The following NEDD9 variants were observed in gnomAD, a reference collection of about 807,000 sequenced individuals.
NEDD9 encodes enhancer of filamentation 1.
NEDD9 carries 26 observed loss-of-function variants against 76.6 expected under a neutral mutation model. The ratio of observed to expected loss-of-function variants is 0.34; its 90% CI spans 0.25 to 0.47. The LOEUF (loss-of-function observed/expected upper bound fraction) is 0.47. Among genes scored for constraint, NEDD9 ranks in the 20% least tolerant of loss-of-function variants. The pLI, the probability that NEDD9 is intolerant of heterozygous loss-of-function variation, is 1.00. For synonymous variants in NEDD9, 392 were observed against 414.2 expected (o/e 0.95, Z 0.65); for missense variants, 937 against 1,058.5 (o/e 0.89, Z 1.59).
chr6:11,372,100 T>G (rs6903648), intron 1 of NEDD9, among the ~76,000 whole-genome samples: 5 of 151,946 alleles, frequency 3.3e-5, no homozygotes, highest in Admixed American at 3.3e-4. Context: ...TGACTTGTAC[T>G]CATTATCTAT....
chr6:11,231,447 AC>A (rs769261633), intron 1 of NEDD9, among the ~76,000 whole-genome samples: 1 of 152,228 alleles, frequency 6.6e-6, no homozygotes, highest in African/African-American at 2.4e-5. Flanking sequence ...AAAAGGATGG[AC>A]CAGAAAAATT....
chr6:11,361,258 T>G (rs1030269684), intron 1 of NEDD9, among the ~76,000 whole-genome samples: 1 of 152,152 alleles, frequency 6.6e-6, no homozygotes, highest in Non-Finnish European at 1.5e-5. Context: ...CCTCTTTATC[T>G]TCTGTATTAG....
chr6:11,310,549 C>A (rs965495984), intron 2 of NEDD9, among the ~76,000 whole-genome samples: 3 of 152,170 alleles, frequency 2.0e-5, no homozygotes, highest in Admixed American at 2.0e-4. Flanking sequence ...GCCATCTAGA[C>A]CCTTGTTACT....
At chr6:11,197,044 A>T (rs1042041458) in intron 2 of NEDD9, among the ~76,000 whole-genome samples, 6 of 152,134 alleles carry the variant, frequency 3.9e-5, no homozygotes, top group African/African-American at 1.4e-4. Context: ...CCTTCCAACG[A>T]TCTCTCCTCA....
intron 1 of NEDD9, among the ~76,000 whole-genome samples, chr6:11,229,264 A>G (rs9366751): frequency 0.14 from 21,463 of 152,258 alleles, 1,581 homozygotes; most frequent in Middle Eastern, 0.26. Context: ...GACGAGATAA[A>G]TAATTTAGAA....
chr6:11,268,231 G>A (rs899908075), intron 3 of NEDD9, among the ~76,000 whole-genome samples: 1 of 151,682 alleles, frequency 6.6e-6, no homozygotes, highest in Non-Finnish European at 1.5e-5. Flanking sequence ...TCGGGGTTTC[G>A]CCATGTTACC....
chr6:11,210,552 T>C (rs953333113), intron 2 of NEDD9, among the ~76,000 whole-genome samples: 1 of 152,170 alleles, frequency 6.6e-6, no homozygotes, highest in African/African-American at 2.4e-5. Flanking sequence ...CCCAGTGTGC[T>C]GGGATTATCT....
At chr6:11,255,922 G>A (rs1333740486) in intron 3 of NEDD9, among the ~76,000 whole-genome samples, 4 of 152,066 alleles carry the variant, frequency 2.6e-5, no homozygotes, top group Non-Finnish European at 5.9e-5. Context: ...TTGAAGGGAC[G>A]CTGTATTCTC....
intron 3 of NEDD9, among the ~76,000 whole-genome samples, chr6:11,276,390 T>C (rs1260287967): frequency 2.0e-5 from 3 of 152,148 alleles, no homozygotes; most frequent in Admixed American, 6.5e-5. Context: ...CGTGTGTGTG[T>C]GCGTGCATGT....
chr6:11,337,555 G>A (rs968852514), intron 1 of NEDD9, among the ~76,000 whole-genome samples: 6 of 152,150 alleles, frequency 3.9e-5, no homozygotes, highest in Middle Eastern at 3.2e-3. Context: ...AGTCTTGCGG[G>A]ACCACGGTCC....
intron 3 of NEDD9, among the ~76,000 whole-genome samples, chr6:11,288,572 T>C (rs780356995): frequency 6.6e-6 from 1 of 152,238 alleles, no homozygotes; most frequent in African/African-American, 2.4e-5. Context: ...ACCATACTTT[T>C]GGTCAACACT....
rs561835393 is a variant in NEDD9, at chr6:11,198,275, A to T, written c.460-4583T>A. On this transcript the variant is annotated intron_variant, in intron 2 of 6. Coordinates refer to ENST00000379446, the MANE Select transcript of NEDD9 (RefSeq NM_006403.4). This position sits in a 1 kb window ranked among gnomAD's most constrained non-coding sequence, Gnocchi z 4.7. ...CTCCGGGCTGCCAGTCTTTGCCTTCATCTGTGTATTTTTGCCCTCCTTCCT... is the reference window on the plus strand; with the variant it reads ...CTCCGGGCTGCCAGTCTTTGCCTTCTTCTGTGTATTTTTGCCCTCCTTCCT... The T allele has an allele frequency of 6.6e-5, 10 of 152,238 alleles. No homozygotes were observed. The highest frequency in any genetic ancestry group is 7.3e-5 in the Non-Finnish European group (5 of 68,028). The allele number at this position is 152,238 out of a possible 1,614,324, so 9.4% of individuals were successfully genotyped here.
rs375702464 is a variant in NEDD9, at chr6:11,278,170, C to T, written c.12+27822G>A. Among the ~76,000 whole-genome samples, 318 of 152,288 alleles carry T rather than the reference C, an allele frequency of 2.1e-3. 11 individuals are homozygous for T. In the South Asian group the frequency reaches 0.063, roughly 30 times the overall value. On this transcript the variant is annotated intron_variant, in intron 3 of 3. Coordinates refer to the NEDD9 transcript ENST00000397378. ...GTCCAGGCTAGTCAAGCTTCTCACT[C>T]GCCAGCCTCTGGGAACCACAGTAGC...
intron 3 of NEDD9, among the ~76,000 whole-genome samples, chr6:11,254,317 C>T (rs1375638455): frequency 1.3e-5 from 2 of 151,956 alleles, no homozygotes; most frequent in Non-Finnish European, 2.9e-5. Flanking sequence ...GATGGGGTTT[C>T]GCCATATTGG....
At chr6:11,200,469 G>T in intron 2 of NEDD9, 1 of 1,008,042 alleles carries the variant, frequency 9.9e-7, no homozygotes, top group Non-Finnish European at 1.2e-6. Context: ...CAGGAATTCA[G>T]GGGACAAGAC....
Position 11,190,997 on chromosome 6 carries a change from G to T in NEDD9, c.872C>A (p.Ala291Asp). Residue 291 changes from alanine (A) to aspartate (D), a missense_variant, in exon 5 of 7, where the codon GCT becomes GAT. Coordinates refer to ENST00000379446, the MANE Select transcript of NEDD9 (RefSeq NM_006403.4). The surrounding 1 kb of genome is among the most constrained non-coding windows in gnomAD (Gnocchi z 5.8). ...CGGGGACAGGCTCTGGTGCCTTCGA[G>T]CCACCGGTTCTGCAGCTCCTGGAAT... ...CDIPGAAEPV[A>D]RRHQSLSPNH... 1.9e-6 allele frequency: 3 copies of T among 1,613,990 alleles called. No homozygotes were observed. The highest frequency in any genetic ancestry group is 2.5e-6 in the Non-Finnish European group (3 of 1,180,020).
In NEDD9 at chr6:11,361,460, G is replaced by T. The variant is rs1038572167; in HGVS notation, c.-214+20679C>A. Among the ~76,000 whole-genome samples, 13 of 152,130 alleles carry T rather than the reference G, an allele frequency of 8.5e-5. No homozygotes were observed. The South Asian group carries it at 2.3e-3, about 27-fold the overall frequency. On this transcript the variant is annotated intron_variant, in intron 1 of 3. Coordinates refer to the NEDD9 transcript ENST00000397378. Reference sequence around the variant, plus strand: ...CAGGAGCAAGAGAGACAGACAGAGTGTCAAGGGGCAGGGGGGAGGTACCAT... The same window carrying T: ...CAGGAGCAAGAGAGACAGACAGAGTTTCAAGGGGCAGGGGGGAGGTACCAT...
chr6:11,205,015 T>C (rs1046238125), intron 2 of NEDD9, among the ~76,000 whole-genome samples: 8 of 152,210 alleles, frequency 5.3e-5, no homozygotes, highest in African/African-American at 1.9e-4. Context: ...CAGGGTATGA[T>C]TTAGCGCCCA....
rs1203512138 is a variant in NEDD9 at position 11,370,128 on chromosome 6, C to T, written c.-214+12011G>A. 1.3e-5 allele frequency among the ~76,000 whole-genome samples: 2 copies of T among 152,142 alleles called. No homozygotes were observed. The highest frequency in any genetic ancestry group is 1.9e-4 in the East Asian group (1 of 5,198). On this transcript the variant is annotated intron_variant, in intron 1 of 3. Transcript: ENST00000397378. The surrounding 1 kb of genome is among the most constrained non-coding windows in gnomAD (Gnocchi z 4.2). ...AGAGTCTTTTCCCTAAGGAACATTT[C>T]GTTTAATGATGAAATAGACACATCT...
Sources: allele counts gnomAD v4.1 joint callset (sites outside exome capture counted in the v4.1 genomes callset), GRCh38; gene constraint gnomAD v4.1.1; non-coding constraint Gnocchi (gnomAD v3.1); transcripts MANE v1.5; gene names NCBI Gene and HGNC (gene_info 2026-07-23, HGNC 2026-07-21).